The following TTC12 variants were observed in gnomAD, a reference collection of about 807,000 sequenced individuals.
TTC12 encodes the protein tetratricopeptide repeat protein 12.
A neutral mutation model predicts 90.1 loss-of-function variants in TTC12; 70 were observed. That is an observed-to-expected ratio of 0.78 (90% CI 0.64 to 0.95). TTC12 has a LOEUF of 0.95. Among genes scored for constraint, TTC12 ranks in the 40% least tolerant of loss-of-function variants. The pLI, the probability that TTC12 is intolerant of heterozygous loss-of-function variation, is 0.00. For missense variants in TTC12, 819 were observed against 846.1 expected, an observed-to-expected ratio of 0.97 and a Z score of 0.40; for synonymous variants, 296 against 311.5, an observed-to-expected ratio of 0.95 and a Z score of 0.53.
intron 15 of TTC12, 110 bp downstream of exon 15, chr11:113,351,409 A>G: frequency 1.1e-6 from 1 of 905,488 alleles, no homozygotes; most frequent in Non-Finnish European, 1.8e-6. Flanking sequence ...TCGGTTGATT[A>G]GTCATTTATT....
At chr11:113,370,699 G>A (rs573335149), downstream of TTC12, among the ~76,000 whole-genome samples, 2 of 152,216 alleles carry the variant, frequency 1.3e-5, no homozygotes, top group Admixed American at 6.5e-5. Context: ...GCAAAGCAGG[G>A]AACAGTGGGC....
intron 2 of TTC12, among the ~76,000 whole-genome samples, chr11:113,316,847 A>ACT (rs1482509100): frequency 1.4e-4 from 21 of 152,218 alleles, no homozygotes; most frequent in African/African-American, 5.1e-4. Flanking sequence ...AAAGAAATGT[A>ACT]CTCTGATCCC....
chr11:113,319,811 A>T (rs1250033940), intron 2 of TTC12, among the ~76,000 whole-genome samples: 7 of 152,184 alleles, frequency 4.6e-5, no homozygotes, highest in African/African-American at 1.7e-4. Context: ...CCTGGAGAAG[A>T]TTTGCACACA....
intron 6 of TTC12, 92 bp from the exon 7 acceptor site, chr11:113,329,828 G>A (rs1947920646): frequency 3.7e-6 from 4 of 1,072,828 alleles, no homozygotes; most frequent in Admixed American, 1.7e-5. Flanking sequence ...AGTTCTCGCT[G>A]ACATTCTACT....
intron 9 of TTC12, 145 bp downstream of exon 9, chr11:113,338,979 C>G: frequency 1.4e-6 from 1 of 723,536 alleles, no homozygotes; most frequent in Non-Finnish European, 2.4e-6. Context: ...TCTGTGTTAA[C>G]CAGCCCACTC....
intron 1 of TTC12, among the ~76,000 whole-genome samples, chr11:113,315,444 A>G (rs1555134999): frequency 6.6e-6 from 1 of 152,160 alleles, no homozygotes; most frequent in East Asian, 1.9e-4. Flanking sequence ...GTGTTACACT[A>G]CTATGAAACC....
At chr11:113,358,548 T>C (rs1197401359) in intron 16 of TTC12, among the ~76,000 whole-genome samples, 3 of 152,112 alleles carry the variant, frequency 2.0e-5, no homozygotes, top group African/African-American at 7.2e-5. Flanking sequence ...CCCTGTTTGA[T>C]GGGCAAGACC....
At chr11:113,341,273 C>A (rs1948665730) in intron 11 of TTC12, among the ~76,000 whole-genome samples, 1 of 152,198 alleles carries the variant, frequency 6.6e-6, no homozygotes, top group African/African-American at 2.4e-5. Flanking sequence ...CAGCACTTCC[C>A]AGGGCTCCTC....
intron 11 of TTC12, 28 bp from the exon 12 acceptor site, chr11:113,341,809 T>TA: frequency 6.4e-7 from 1 of 1,561,956 alleles, no homozygotes; most frequent in Non-Finnish European, 8.8e-7. Context: ...TTCAGACTTT[T>TA]AAGATAGCTC....
At chr11:113,337,380 G>A (rs1349250316) in intron 8 of TTC12, among the ~76,000 whole-genome samples, 1 of 152,186 alleles carries the variant, frequency 6.6e-6, no homozygotes, top group Non-Finnish European at 1.5e-5. Context: ...AAGTAGCATT[G>A]AGAAAAATCA....
chr11:113,361,095 G>A (rs567442191), intron 18 of TTC12, among the ~76,000 whole-genome samples: 4 of 152,196 alleles, frequency 2.6e-5, no homozygotes, highest in Non-Finnish European at 4.4e-5. Context: ...GCTGAGCAGA[G>A]CAGCAGCTTC....
downstream of TTC12, chr11:113,368,109 A>C: frequency 3.3e-6 from 4 of 1,203,460 alleles, no homozygotes; most frequent in Non-Finnish European, 4.3e-6. Flanking sequence ...TTGGCTCTTG[A>C]AAATGGCTAT....
Position 113,366,278 on chromosome 11 carries a change from T to C in TTC12, c.2096T>C (p.Met699Thr). The C allele has an allele frequency of 2.5e-6, 4 of 1,613,808 alleles. No homozygotes were observed. The highest frequency in any genetic ancestry group is 3.4e-6 in the Non-Finnish European group (4 of 1,180,024). Reference sequence around the variant, plus strand: ...GGCCTAGAAATTCTCAACTCTACGATGAAATACATCAGTGATTCTTGAGAG... The same window carrying C: ...GGCCTAGAAATTCTCAACTCTACGACGAAATACATCAGTGATTCTTGAGAG... ...LHGLEILNST[M>T]KYISDS is the part of the protein sequence containing the mutation. The change falls in exon 22 of 22, where the codon ATG becomes ACG. Residue 699 changes from methionine (M) to threonine (T), a missense_variant. Physicochemically the swap from Met to Thr is moderately conservative, Grantham distance 81 (BLOSUM62 -1). Transcript: ENST00000529221.
In TTC12 at chr11:113,323,277, T is replaced by A; in HGVS notation, c.59-11T>A. On this transcript the variant is annotated splice_polypyrimidine_tract_variant and intron_variant, in intron 2 of 21. Transcript: ENST00000529221. ...CTTGTTTGATTAAGTCACACCTGATTTCTTCTCTAGCCAATTTAATTCAGG... is the reference window on the plus strand; with the variant it reads ...CTTGTTTGATTAAGTCACACCTGATATCTTCTCTAGCCAATTTAATTCAGG... 1 of 1,587,982 alleles carries A rather than the reference T, an allele frequency of 6.3e-7. No homozygotes were observed. Among genetic ancestry groups the A allele is most frequent in the South Asian group, 1.2e-5 (1 of 86,020 alleles).
intron 6 of TTC12, among the ~76,000 whole-genome samples, chr11:113,327,608 A>G (rs567086000): frequency 6.6e-6 from 1 of 152,330 alleles, no homozygotes; most frequent in South Asian, 2.1e-4. Context: ...TGAGGAAGTT[A>G]TAGGGTGTTT....
At chr11:113,361,827 A>G (rs928922227) in intron 18 of TTC12, among the ~76,000 whole-genome samples, 1 of 152,156 alleles carries the variant, frequency 6.6e-6, no homozygotes, top group African/African-American at 2.4e-5. Flanking sequence ...AGATAAACAT[A>G]AAAATTGATC....
intron 16 of TTC12, among the ~76,000 whole-genome samples, chr11:113,355,269 A>T (rs957677637): frequency 4.6e-5 from 7 of 151,974 alleles, no homozygotes; most frequent in Non-Finnish European, 1.0e-4. Flanking sequence ...ATATTCTCTG[A>T]TGGTTGTTTG....
chr11:113,325,984 C>T (rs947331007), intron 6 of TTC12, among the ~76,000 whole-genome samples: 1 of 152,170 alleles, frequency 6.6e-6, no homozygotes, highest in African/African-American at 2.4e-5. Context: ...ATGAAATGAC[C>T]TATGGGACCT....
Position 113,362,411 on chromosome 11 carries a change from G to A in TTC12, c.1625G>A (p.Gly542Asp). 2.5e-6 allele frequency: 4 copies of A among 1,613,084 alleles called. No individual in the cohort carries two copies. Among genetic ancestry groups the A allele is most frequent in the African/African-American group, 1.3e-5 (1 of 75,038 alleles). The part of the protein sequence containing the change: ...QDGGILTRAA[G>D]VLSRTLSSSL... ...TTCTGCTGTACTCAGAGAGCTGCTG[G>A]TGTTCTGAGCCGGACCCTTTCTTCC... Residue 542 changes from glycine (G) to aspartate (D), a missense_variant, in exon 19 of 22, where the codon GGT becomes GAT. Physicochemically the swap from Gly to Asp is moderately conservative, Grantham distance 94. Transcript: ENST00000529221.
Sources: gnomAD v4.1 joint callset for allele counts (sites outside exome capture counted in the v4.1 genomes callset) on GRCh38, gnomAD v4.1.1 for gene constraint, MANE v1.5 for transcripts, NCBI Gene and HGNC (gene_info 2026-07-23, HGNC 2026-07-21) for gene names.